The following NEDD4 variants were observed in gnomAD, a reference collection of about 807,000 sequenced individuals.
The protein encoded by NEDD4 is E3 ubiquitin-protein ligase NEDD4.
In NEDD4, 99 loss-of-function variants were observed where a neutral mutation model predicts 144.9. That is an observed-to-expected ratio of 0.68 (90% CI 0.58 to 0.81). The LOEUF (loss-of-function observed/expected upper bound fraction) is 0.81. NEDD4 is among the 30% of genes least tolerant of loss of function. The probability of loss-of-function intolerance (pLI) is 0.00; values close to 1 mark genes in which losing one functional copy is unlikely to be tolerated. For synonymous variants in NEDD4, 318 were observed against 350.6 expected, an observed-to-expected ratio of 0.91 and a Z score of 1.04; for missense variants, 985 against 1,065.9, an observed-to-expected ratio of 0.92 and a Z score of 1.06.
intron 4 of NEDD4, among the ~76,000 whole-genome samples, 188 bp from the exon 5 acceptor site, chr15:55,924,887 G>A (rs1244823283): frequency 2.6e-5 from 4 of 152,268 alleles, no homozygotes; most frequent in East Asian, 3.9e-4. Flanking sequence ...GGCCAACATG[G>A]TGAAACCTCG....
intron 11 of NEDD4, 99 bp downstream of exon 11, chr15:55,860,308 G>T (rs905389121): frequency 8.4e-7 from 1 of 1,195,714 alleles, no homozygotes; most frequent in Non-Finnish European, 1.2e-6. Flanking sequence ...ACATATTATT[G>T]CATTTAAGAC....
intron 26 of NEDD4, 84 bp from the exon 27 acceptor site, chr15:55,833,188 T>C (rs2033040103): frequency 2.2e-5 from 19 of 858,102 alleles, no homozygotes; most frequent in South Asian, 1.8e-4. Flanking sequence ...TATCGGAATT[T>C]AGAATATTAA....
intron 24 of NEDD4, among the ~76,000 whole-genome samples, chr15:55,836,683 G>A (rs559373890): frequency 1.3e-5 from 2 of 152,094 alleles, no homozygotes; most frequent in African/African-American, 2.4e-5. Context: ...ACGCCACCAC[G>A]TCCGGCTAAT....
intron 2 of NEDD4, among the ~76,000 whole-genome samples, chr15:55,959,584 C>G (rs752843909): frequency 6.6e-6 from 1 of 152,142 alleles, no homozygotes; most frequent in Non-Finnish European, 1.5e-5. Flanking sequence ...TGGGACAGAT[C>G]TATATATTCT....
At chr15:55,977,464 G>A (rs1943144087) in intron 1 of NEDD4, among the ~76,000 whole-genome samples, 2 of 152,116 alleles carry the variant, frequency 1.3e-5, no homozygotes, top group Admixed American at 1.3e-4. Flanking sequence ...TTCTCAGAAT[G>A]TATCCGTTGT....
At position 55,827,728 on chromosome 15, in the gene NEDD4, A is replaced by G. The variant is rs2141945732; in HGVS notation, c.*2169T>C. On this transcript the variant is annotated 3_prime_UTR_variant, in exon 29 of 29. Coordinates refer to ENST00000435532, the MANE Select transcript of NEDD4 (RefSeq NM_006154.4). Reference sequence around the variant, plus strand: ...TACAGATATACACATGTGTATCCATATTATTTATATATTTAATATCAGAAA... The same window carrying G: ...TACAGATATACACATGTGTATCCATGTTATTTATATATTTAATATCAGAAA... 1 of 152,260 alleles carries G rather than the reference A, an allele frequency of 6.6e-6. No homozygotes were observed. Among genetic ancestry groups the G allele is most frequent in the East Asian group, 1.9e-4 (1 of 5,178 alleles). The allele number at this position is 152,260 out of a possible 1,614,324, so 9.4% of individuals were successfully genotyped here.
intron 5 of NEDD4, among the ~76,000 whole-genome samples, chr15:55,890,033 C>A (rs959463511): frequency 1.5e-4 from 23 of 152,152 alleles, no homozygotes; most frequent in African/African-American, 5.1e-4. Context: ...ACTAAAAGAG[C>A]ATAATTCTAC....
Position 55,837,865 on chromosome 15 carries a change from A to G in NEDD4, c.2202-16T>C. ...TATTACAAGACTAAAAAGAAACAAC[A>G]TTTCATTTTCATGTGAACCAAGACA... On this transcript the variant is annotated splice_polypyrimidine_tract_variant and intron_variant, in intron 23 of 28. Coordinates refer to ENST00000435532, the MANE Select transcript of NEDD4 (RefSeq NM_006154.4). The G allele has an allele frequency of 6.3e-7, 1 of 1,593,884 alleles. No individual in the cohort carries two copies. The highest frequency in any genetic ancestry group is 8.6e-7 in the Non-Finnish European group (1 of 1,165,632).
intron 1 of NEDD4, among the ~76,000 whole-genome samples, chr15:55,968,996 A>G (rs1439664880): frequency 6.6e-6 from 1 of 152,220 alleles, no homozygotes; most frequent in Non-Finnish European, 1.5e-5. Flanking sequence ...CACAGTACCT[A>G]GTTTCAACAT....
chr15:55,886,370 A>G (rs1383015347), intron 5 of NEDD4, among the ~76,000 whole-genome samples: 1 of 152,216 alleles, frequency 6.6e-6, no homozygotes, highest in Non-Finnish European at 1.5e-5. Flanking sequence ...TTTAGAGAAC[A>G]CTTCATTCAA....
chr15:55,873,781 T>TA (rs1184468769), intron 6 of NEDD4, among the ~76,000 whole-genome samples, 177 bp downstream of exon 6: 1 of 152,144 alleles, frequency 6.6e-6, no homozygotes, highest in South Asian at 2.1e-4. Flanking sequence ...ACGGAAATCT[T>TA]AAAGAGAAAA....
chr15:55,905,182 A>C lies in NEDD4; in HGVS notation c.291+19464T>G, dbSNP rs116739399. The C allele has an allele frequency of 3.4e-3, 1,418 of 411,838 alleles. 30 individuals carry two copies. The highest frequency in any genetic ancestry group is 0.027 in the African/African-American group (1,302 of 47,604). 25.5% of individuals were successfully genotyped at this position (411,838 alleles called of 1,614,324 possible). A position where few individuals can be genotyped will look rare whatever the true frequency, so the allele number is the denominator to read the frequency against. On this transcript the variant is annotated intron_variant, in intron 5 of 28. Coordinates refer to ENST00000435532, the MANE Select transcript of NEDD4 (RefSeq NM_006154.4). ...TCATCAGCATGTTAAGAATTCTGTAAGTAAATATCACTTTTAAGACATATT... is the reference window on the plus strand; with the variant it reads ...TCATCAGCATGTTAAGAATTCTGTACGTAAATATCACTTTTAAGACATATT...
chr15:55,971,638 A>G (rs1460472075), intron 1 of NEDD4, among the ~76,000 whole-genome samples: 3 of 148,016 alleles, frequency 2.0e-5, no homozygotes, highest in Admixed American at 6.7e-5. Flanking sequence ...AAAAAAAAAA[A>G]GACTTATTAG....
At chr15:55,905,377 A>C (rs916887453) in intron 5 of NEDD4, 3 of 427,456 alleles carry the variant, frequency 7.0e-6, no homozygotes, top group Admixed American at 2.8e-5. Flanking sequence ...GTTTCCCAAC[A>C]GTGAAACCCA....
At chr15:55,982,954 T>C (rs1028352628) in intron 1 of NEDD4, among the ~76,000 whole-genome samples, 7 of 152,050 alleles carry the variant, frequency 4.6e-5, no homozygotes, top group African/African-American at 1.7e-4. Context: ...AAACCCCGTC[T>C]CTACTAAAAA....
At chr15:55,938,927 G>A (rs944079993) in intron 4 of NEDD4, among the ~76,000 whole-genome samples, 2 of 152,056 alleles carry the variant, frequency 1.3e-5, no homozygotes, top group Non-Finnish European at 2.9e-5. Context: ...GCAAAACAGT[G>A]TGTCACTACA....
intron 7 of NEDD4, 25 bp downstream of exon 7, chr15:55,872,390 C>T (rs2034833423): frequency 4.3e-6 from 5 of 1,166,868 alleles, no homozygotes; most frequent in South Asian, 1.6e-5. Flanking sequence ...ATTTAATATG[C>T]TATTATTATT....
intron 2 of NEDD4, among the ~76,000 whole-genome samples, chr15:55,956,064 T>C (rs912259711): frequency 2.0e-5 from 3 of 152,150 alleles, no homozygotes; most frequent in African/African-American, 7.2e-5. Flanking sequence ...TCCTCCCACC[T>C]TGGCCTCCCA....
chr15:55,890,559 A>G (rs1321919203), intron 5 of NEDD4, among the ~76,000 whole-genome samples: 3 of 152,150 alleles, frequency 2.0e-5, no homozygotes, highest in Non-Finnish European at 4.4e-5. Flanking sequence ...GATATACCAC[A>G]TTTTATTTAT....
Sources: allele counts gnomAD v4.1 joint callset (sites outside exome capture counted in the v4.1 genomes callset), GRCh38; gene constraint gnomAD v4.1.1; transcripts MANE v1.5; gene names NCBI Gene and HGNC (gene_info 2026-07-23, HGNC 2026-07-21).